Variants in SMARCC1 observed in about 807,000 individuals in gnomAD.
SMARCC1 encodes SWI/SNF related BAF chromatin remodeling complex subunit C1, also known as SWI/SNF complex subunit SMARCC1.
Under a neutral mutation model 147.4 loss-of-function variants are expected in SMARCC1, and 43 were observed. That is an observed-to-expected ratio of 0.29 (90% confidence interval 0.23 to 0.38). SMARCC1 has a LOEUF of 0.38. Among genes scored for constraint, SMARCC1 ranks in the 10% least tolerant of loss-of-function variants. SMARCC1 has a pLI of 1.00. For missense variants in SMARCC1, 1,119 were observed against 1,381.1 expected (o/e 0.81, Z 3.01); for synonymous variants, 495 against 484.4 (o/e 1.02, Z -0.29).
chr3:47,687,168 G>C (rs1250879838), intron 13 of SMARCC1, among the ~76,000 whole-genome samples: 2 of 152,098 alleles, frequency 1.3e-5, no homozygotes, highest in African/African-American at 4.8e-5. Flanking sequence ...TAAATTTAAA[G>C]CATGAAAACA....
In SMARCC1 at chr3:47,701,317, G is replaced by A. The variant is rs2033915843; in HGVS notation, c.1126C>T (p.Pro376Ser). The A allele has an allele frequency of 1.2e-6, 2 of 1,612,740 alleles. No individual in the cohort carries two copies. Among genetic ancestry groups the A allele is most frequent in the African/African-American group, 1.3e-5 (1 of 74,884 alleles). Residue 376 changes from proline (P) to serine (S), a missense_variant, in exon 11 of 28, where the codon CCT becomes TCT. Pro to Ser is a moderately conservative substitution (Grantham distance 74, BLOSUM62 -1). Transcript: ENST00000254480. ...ACTACTTCTTCTATATTGGGTACAG[G>A]TGTTGGGTCTTCCATATCCTTGGTT... ...DLTKDMEDPTPVPNIEEVVLP... is the reference protein window; with the variant it reads ...DLTKDMEDPTSVPNIEEVVLP...
intron 27 of SMARCC1, among the ~76,000 whole-genome samples, chr3:47,590,381 C>T (rs1029288696): frequency 1.3e-5 from 2 of 152,230 alleles, no homozygotes; most frequent in African/African-American, 4.8e-5. Context: ...ACAAGACAGG[C>T]TTAAACAGGT....
chr3:47,671,196 A>AAAAAAC lies in SMARCC1; in HGVS notation c.1840-480_1840-479insGTTTTT, dbSNP rs753672169. 9.1e-3 allele frequency among the ~76,000 whole-genome samples: 739 copies of AAAAAAC among 80,872 alleles called. 100 individuals are homozygous for AAAAAAC. The highest frequency in any genetic ancestry group is 0.036 in the Middle Eastern group (4 of 112). 53.1% of individuals were successfully genotyped at this position (80,872 alleles called of 152,430 possible). On this transcript the variant is annotated intron_variant, in intron 18 of 27. Transcript: ENST00000254480. ...CTCAAAAAAAAAAAAAAAAAAAAAAAAACACACACAAAAACCAAAACCAAA... is the reference window on the plus strand; with the variant it reads ...CTCAAAAAAAAAAAAAAAAAAAAAAAAAAAACAACACACACAAAAACCAAAACCAAA...
intron 26 of SMARCC1, among the ~76,000 whole-genome samples, chr3:47,602,441 G>A (rs1171198249): frequency 6.6e-6 from 1 of 152,104 alleles, no homozygotes; most frequent in Non-Finnish European, 1.5e-5. Flanking sequence ...GGGACCACAG[G>A]CACACGCCAC....
intron 5 of SMARCC1, among the ~76,000 whole-genome samples, chr3:47,733,682 C>T (rs1463765537): frequency 6.6e-6 from 1 of 151,460 alleles, no homozygotes; most frequent in African/African-American, 2.4e-5. Flanking sequence ...GTCAAGAGAT[C>T]GAAACCCCGT....
Position 47,702,622 on chromosome 3 carries a change from A to G in SMARCC1, c.1041-1220T>C, listed in dbSNP as rs143692922. ...AAACAAAAAATTTAAATTTTAAGAC[A>G]GGGTCTCACTCTGTTGTCCAAGCTG... On this transcript the variant is annotated intron_variant, in intron 10 of 27. Coordinates refer to ENST00000254480, the MANE Select transcript of SMARCC1 (RefSeq NM_003074.4). Among the ~76,000 whole-genome samples, 6 of 152,276 alleles carry G rather than the reference A, an allele frequency of 3.9e-5. No homozygotes were observed. In the East Asian group the frequency reaches 1.2e-3, roughly 29 times the overall value.
chr3:47,725,719 T>A (rs1251557375), intron 6 of SMARCC1, among the ~76,000 whole-genome samples: 1 of 151,560 alleles, frequency 6.6e-6, no homozygotes, highest in Non-Finnish European at 1.5e-5. Context: ...CCCAAAGTGC[T>A]GGGATTATAG....
At chr3:47,716,153 C>T (rs374145204) in intron 7 of SMARCC1, among the ~76,000 whole-genome samples, 2 of 151,616 alleles carry the variant, frequency 1.3e-5, no homozygotes, top group Non-Finnish European at 2.9e-5. Flanking sequence ...CAGTGACTCA[C>T]GCCTGTAATT....
intron 26 of SMARCC1, among the ~76,000 whole-genome samples, chr3:47,594,634 A>C (rs1230075902): frequency 2.6e-5 from 4 of 152,232 alleles, no homozygotes; most frequent in Non-Finnish European, 2.9e-5. Flanking sequence ...CAAGCCAAAA[A>C]AAATGAAGAC....
At chr3:47,701,957 C>T (rs952408350) in intron 10 of SMARCC1, among the ~76,000 whole-genome samples, 1 of 151,808 alleles carries the variant, frequency 6.6e-6, no homozygotes, top group African/African-American at 2.4e-5. Flanking sequence ...TAGACAATTG[C>T]GGGCAGTATC....
Position 47,772,836 on chromosome 3 carries a change from G to T in SMARCC1, c.296C>A (p.Pro99Gln). Residue 99 changes from proline (P) to glutamine (Q), a missense_variant, in exon 2 of 28, where the codon CCG (proline) becomes CAG (glutamine). Physicochemically the swap from Pro to Gln is moderately conservative, Grantham distance 76. This residue lies in a region of SMARCC1 where 542 missense variants were observed against 611.8 expected (regional missense o/e 0.89). Coordinates refer to ENST00000254480, the MANE Select transcript of SMARCC1 (RefSeq NM_003074.4). ...ACTTACAGGGAGTTTGGTGAAGGCC[G>T]GGTTGGTGACATGCTTCCCAAAGGC... is the stretch of plus-strand genomic sequence containing the variant. ...EDAFGKHVTNPAFTKLPAKCF... is the reference protein window; with the variant it reads ...EDAFGKHVTNQAFTKLPAKCF... The T allele has an allele frequency of 6.2e-7, 1 of 1,612,676 alleles. No homozygotes were observed. Among genetic ancestry groups the T allele is most frequent in the South Asian group, 1.1e-5 (1 of 90,958 alleles).
chr3:47,680,385 G>T, intron 15 of SMARCC1, 52 bp downstream of exon 15: 3 of 1,204,558 alleles, frequency 2.5e-6, no homozygotes, highest in Non-Finnish European at 3.7e-6. Context: ...TGCTTGAAGA[G>T]CCCCTACCGC....
At chr3:47,673,411 A>AGGGGG (rs2033530006) in intron 18 of SMARCC1, among the ~76,000 whole-genome samples, 2 of 88,556 alleles carry the variant, frequency 2.3e-5, no homozygotes, top group African/African-American at 7.1e-5. Flanking sequence ...GGGGGGGGGC[A>AGGGGG]GGCCAGTGGC....
Position 47,729,341 on chromosome 3 carries a change from G to A in SMARCC1, c.577-247C>T, listed in dbSNP as rs2034339799. Among the ~76,000 whole-genome samples, 3 of 152,172 alleles carry A rather than the reference G, an allele frequency of 2.0e-5. No individual in the cohort carries two copies. In the South Asian group the frequency reaches 6.2e-4, roughly 32 times the overall value. On this transcript the variant is annotated intron_variant, in intron 5 of 27. Transcript: ENST00000254480. The stretch of plus-strand genomic sequence containing the variant: ...AGCACCTATTAGCTAGTTCTCTACA[G>A]ATCTCTCTCTCTGGGTATCCATATC...
At chr3:47,638,266 T>G (rs1417430637) in intron 22 of SMARCC1, among the ~76,000 whole-genome samples, 1 of 152,174 alleles carries the variant, frequency 6.6e-6, no homozygotes, top group Non-Finnish European at 1.5e-5. Context: ...CTAATTTTTT[T>G]GTATTTTTAG....
At chr3:47,730,702 T>C (rs1012748207) in intron 5 of SMARCC1, among the ~76,000 whole-genome samples, 1 of 151,730 alleles carries the variant, frequency 6.6e-6, no homozygotes, top group Non-Finnish European at 1.5e-5. Context: ...GCGTGTCTAT[T>C]AAAAATACAA....
chr3:47,677,185 C>T (rs1482222165), intron 16 of SMARCC1, among the ~76,000 whole-genome samples: 2 of 152,304 alleles, frequency 1.3e-5, no homozygotes, highest in African/African-American at 2.4e-5. Flanking sequence ...CAACCTCCTC[C>T]GCATCCTTGG....
At chr3:47,603,576 G>T in intron 26 of SMARCC1, 1 of 167,314 alleles carries the variant, frequency 6.0e-6, no homozygotes, top group Non-Finnish European at 1.3e-5. Flanking sequence ...ATGGCCCAGG[G>T]TGTGGTCAAG....
chr3:47,661,229 TTGAGTAAAC>T lies in SMARCC1; in HGVS notation c.2320+56_2320+64del. On this transcript the variant is annotated intron_variant, in intron 21 of 27. Coordinates refer to ENST00000254480, the MANE Select transcript of SMARCC1 (RefSeq NM_003074.4). ...TTTTAGTGCAAGTAAACCCAATTAT[TTGAGTAAAC>T]TGACAGGAATACAAACATATATTAA... 2.2e-6 allele frequency: 3 copies of T among 1,391,498 alleles called. No homozygotes were observed. In the South Asian group the frequency reaches 4.2e-5, roughly 20 times the overall value. The allele number at this position is 1,391,498 out of a possible 1,614,324, so 86.2% of individuals were successfully genotyped here.
Sources: gnomAD v4.1 joint callset for allele counts (sites outside exome capture counted in the v4.1 genomes callset) on GRCh38, gnomAD v4.1.1 for gene constraint, gnomAD v4.1.1 regional missense constraint, MANE v1.5 for transcripts, NCBI Gene and HGNC (gene_info 2026-07-23, HGNC 2026-07-21) for gene names.